The following SLC7A3 variants were observed in gnomAD, a reference collection of about 807,000 sequenced individuals.
SLC7A3 encodes the protein solute carrier family 7 member 3, also known as cationic amino acid transporter 3.
A neutral mutation model predicts 33.2 loss-of-function variants in SLC7A3; 3 were observed. That is an observed-to-expected ratio of 0.09 (90% CI 0.04 to 0.23). The LOEUF (loss-of-function observed/expected upper bound fraction) is 0.23, where lower values mean the gene tolerates loss of function less well. SLC7A3 is among the 10% of genes least tolerant of loss of function. SLC7A3 has a pLI of 1.00. For missense variants in SLC7A3, 360 were observed against 488.8 expected (o/e 0.74, Z 2.48); for synonymous variants, 193 against 195.1 (o/e 0.99, Z 0.09).
chrX:70,929,201 C>T (rs897421013), intron 2 of SLC7A3, among the ~76,000 whole-genome samples, 199 bp from the exon 3 acceptor site: 1 of 111,993 alleles, frequency 8.9e-6, no homozygotes, highest in Non-Finnish European at 1.9e-5. Flanking sequence ...AGAGATTCTC[C>T]TGCCTCAACC....
chrX:70,930,124 A>G, intron 1 of SLC7A3, 102 bp from the exon 2 acceptor site: 1 of 844,974 alleles, frequency 1.2e-6, no homozygotes, highest in East Asian at 3.2e-5. Context: ...AGCTATTGGG[A>G]AATGAGGACG....
At position 70,928,212 on chromosome X, in the gene SLC7A3, C is replaced by T. The variant is rs751933276; in HGVS notation, c.753G>A (p.Glu251=). Residue 251 remains glutamate, a synonymous_variant, in exon 5 of 12, where the codon GAG becomes GAA. Transcript: ENST00000374299. ...GSGGFVPFGF[E]GILRGAATCF... ...AGGTCGCTGCTCCACGGAGAATTCC[C>T]TCGAAGCCGAAAGGCACAAATCCTC... The T allele has an allele frequency of 1.7e-6, 2 of 1,211,648 alleles. No homozygotes were observed. Among genetic ancestry groups the T allele is most frequent in the East Asian group, 3.0e-5 (1 of 33,845 alleles).
Position 70,926,093 on chromosome X carries a change from C to T in SLC7A3, c.1706G>A (p.Arg569Gln), listed in dbSNP as rs762025225. The change falls in exon 11 of 12, where the codon CGA becomes CAA. Residue 569 changes from arginine (R) to glutamine (Q), a missense_variant. Coordinates refer to ENST00000374299, the MANE Select transcript of SLC7A3 (RefSeq NM_032803.6). ...MMQMTAGTWA[R>Q]FGVWMLIGFA... is the part of the protein sequence containing the mutation. Reference sequence around the variant, plus strand: ...ACCAATCAGCATCCAGACCCCAAATCGGGCCCAGGTACCAGCTGTCATCTG... The same window carrying T: ...ACCAATCAGCATCCAGACCCCAAATTGGGCCCAGGTACCAGCTGTCATCTG... 3.3e-6 allele frequency: 4 copies of T among 1,209,088 alleles called. No homozygotes were observed. In the Admixed American group the frequency reaches 6.6e-5, roughly 20 times the overall value.
rs1180314622 is a variant in SLC7A3 at position 70,929,732 on chromosome X, G to A, written c.266C>T (p.Ala89Val). The stretch of plus-strand genomic sequence containing the variant: ...TGCCGAACCAGAACGGGGAACCCGG[G>A]CACCAAACTCCGCATAGCACAGCCC... ...LAGLCYAEFGARVPRSGSAYL... is the reference protein window; with the variant it reads ...LAGLCYAEFGVRVPRSGSAYL... The change falls in exon 2 of 12, where the codon GCC (alanine) becomes GTC (valine). Residue 89 changes from alanine to valine, a missense_variant. Physicochemically the swap from Ala to Val is moderately conservative, Grantham distance 64. Coordinates refer to ENST00000374299, the MANE Select transcript of SLC7A3 (RefSeq NM_032803.6). The A allele has an allele frequency of 1.7e-6, 2 of 1,211,244 alleles. No individual in the cohort carries two copies. The highest frequency in any genetic ancestry group is 5.9e-5 in the East Asian group (2 of 33,805).
rs1160933947 is a variant in SLC7A3 at position 70,926,541 on chromosome X, G to A, written c.1606C>T (p.Pro536Ser). ...AGTTCATTTACCTTAAAGTGAAGGG[G>A]AGTGGAACTCTGTGGCTGTCTCCAG... ...VIWRQPQSST[P>S]LHFKVPALPL... is the part of the protein sequence containing the mutation. The change falls in exon 10 of 12, where the codon CCC becomes TCC. Residue 536 changes from proline (P) to serine (S), a missense_variant. Coordinates refer to ENST00000374299, the MANE Select transcript of SLC7A3 (RefSeq NM_032803.6). 4.2e-6 allele frequency: 5 copies of A among 1,196,915 alleles called. No homozygotes were observed. The highest frequency in any genetic ancestry group is 2.3e-5 in the Admixed American group (1 of 43,673).
intron 10 of SLC7A3, 146 bp downstream of exon 10, chrX:70,926,381 A>G (rs181095841): frequency 1.4e-6 from 1 of 740,394 alleles, no homozygotes; most frequent in East Asian, 3.5e-5. Context: ...AGAGGGTCAG[A>G]GAAGAAGTCT....
chrX:70,926,557 C>T lies in SLC7A3; in HGVS notation c.1590G>A (p.Gln530=). Residue 530 remains glutamine, a synonymous_variant, in exon 10 of 12, where the codon CAG becomes CAA. Transcript: ENST00000374299. ...AGTGAAGGGGAGTGGAACTCTGTGGCTGTCTCCAGATGACCACAATGATCC... is the reference window on the plus strand; with the variant it reads ...AGTGAAGGGGAGTGGAACTCTGTGGTTGTCTCCAGATGACCACAATGATCC... ...IIGIIVVIWR[Q]PQSSTPLHFK... is the part of the protein sequence containing the mutation. The T allele has an allele frequency of 3.3e-6, 4 of 1,200,237 alleles. No individual in the cohort carries two copies. The highest frequency in any genetic ancestry group is 4.5e-6 in the Non-Finnish European group (4 of 889,763).
intron 6 of SLC7A3, 40 bp from the exon 7 acceptor site, chrX:70,927,663 G>A (rs1191636343): frequency 8.4e-7 from 1 of 1,195,802 alleles, no homozygotes; most frequent in East Asian, 3.0e-5. Context: ...AGTTGACTGG[G>A]ATCTCTCTTC....
At chrX:70,928,398 A>C in intron 4 of SLC7A3, 58 bp downstream of exon 4, 41 of 979,511 alleles carry the variant, frequency 4.2e-5, no homozygotes, top group Non-Finnish European at 5.7e-5. Context: ...CCTTCAGCAG[A>C]TCCCCTTCTT....
chrX:70,930,480 G>A (rs969044958), intron 1 of SLC7A3, among the ~76,000 whole-genome samples: 3 of 111,660 alleles, frequency 2.7e-5, no homozygotes, highest in African/African-American at 9.8e-5. Flanking sequence ...CCCCCAGAGG[G>A]AGAGGGGACC....
At chrX:70,926,450 C>T in intron 10 of SLC7A3, 77 bp downstream of exon 10, 3 of 1,051,941 alleles carry the variant, frequency 2.9e-6, no homozygotes, top group Non-Finnish European at 3.8e-6. Flanking sequence ...TATCTATGAA[C>T]TTTATTAGAC....
rs1350685513 is a variant in SLC7A3, at chrX:70,929,643, G to A, written c.355C>T (p.Leu119Phe). ...WAFTTGWNLI[L>F]SYVIGTASVA... ...CATATCTCACCAATGACATAGGAGA[G>A]GATGAGGTTCCAGCCAGTGGTGAAG... The change falls in exon 2 of 12, where the codon CTC becomes TTC. Residue 119 changes from leucine (L) to phenylalanine (F), a missense_variant. By Grantham distance (22) the Leu-to-Phe change is conservative. Coordinates refer to ENST00000374299, the MANE Select transcript of SLC7A3 (RefSeq NM_032803.6). The A allele has an allele frequency of 8.3e-7, 1 of 1,207,153 alleles. No homozygotes were observed. Among genetic ancestry groups the A allele is most frequent in the African/African-American group, 1.8e-5 (1 of 57,004 alleles).
Position 70,927,996 on chromosome X carries a change from C to A in SLC7A3, c.845G>T (p.Arg282Leu). 8.3e-7 allele frequency: 1 copy of A among 1,211,268 alleles called. No individual in the cohort carries two copies. The highest frequency in any genetic ancestry group is 1.1e-6 in the Non-Finnish European group (1 of 895,372). The change falls in exon 6 of 12, where the codon CGT (arginine) becomes CTT (leucine). Residue 282 changes from arginine to leucine, a missense_variant. Coordinates refer to ENST00000374299, the MANE Select transcript of SLC7A3 (RefSeq NM_032803.6). ...TTGEEAQNPQ[R>L]SIPMGIVISL... Reference sequence around the variant, plus strand: ...GATCACAATGCCCATCGGGATGGAACGCTGGGGATTCTGGGCTTCTTCTCC... The same window carrying A: ...GATCACAATGCCCATCGGGATGGAAAGCTGGGGATTCTGGGCTTCTTCTCC...
chrX:70,930,399 C>G (rs1270384747), intron 1 of SLC7A3, among the ~76,000 whole-genome samples: 1 of 111,541 alleles, frequency 9.0e-6, no homozygotes, highest in Non-Finnish European at 1.9e-5. Context: ...TGGCCTGTGG[C>G]TATTTGGGAA....
rs201464922 is a variant in SLC7A3 at position 70,928,530 on chromosome X, C to T, written c.633G>A (p.Lys211=). ...LGFVMISGFV[K]GDVHNWKLTE... The stretch of plus-strand genomic sequence containing the variant: ...TGAGCTTCCAGTTGTGCACGTCCCC[C>T]TTAACGAAGCCAGAGATCATGACGA... The change falls in exon 4 of 12, where the codon AAG becomes AAA. Residue 211 remains lysine, a synonymous_variant. Transcript: ENST00000374299. 3.3e-6 allele frequency: 4 copies of T among 1,204,251 alleles called. No individual in the cohort carries two copies. The Admixed American group carries it at 8.9e-5, about 27-fold the overall frequency.
intron 8 of SLC7A3, 94 bp from the exon 9 acceptor site, chrX:70,927,135 G>T: frequency 9.0e-7 from 1 of 1,106,304 alleles, no homozygotes; most frequent in Non-Finnish European, 1.2e-6. Flanking sequence ...CACCATTAAG[G>T]GAAGTTCTTT....
At chrX:70,930,653 G>A (rs746625188) in intron 1 of SLC7A3, among the ~76,000 whole-genome samples, 2 of 112,293 alleles carry the variant, frequency 1.8e-5, no homozygotes, top group African/African-American at 6.5e-5. Context: ...ACAGCGAGGC[G>A]GGGCTTCGAC....
chrX:70,928,883 G>T lies in SLC7A3; in HGVS notation c.490C>A (p.Pro164Thr), dbSNP rs765980877. 1.2e-5 allele frequency: 14 copies of T among 1,211,445 alleles called. No homozygotes were observed. Among genetic ancestry groups the T allele is most frequent in the Non-Finnish European group, 1.6e-5 (14 of 895,485 alleles). ...ACGAGGCCCAAAGCAAAGAAATCTGGATATTCTGCAAGGACATGGGGCACG... is the reference window on the plus strand; with the variant it reads ...ACGAGGCCCAAAGCAAAGAAATCTGTATATTCTGCAAGGACATGGGGCACG... ...LHVPHVLAEY[P>T]DFFALGLVLL... Residue 164 changes from proline to threonine, a missense_variant, in exon 3 of 12, where the codon CCA becomes ACA. Pro to Thr is a conservative substitution (Grantham distance 38). Transcript: ENST00000374299.
At chrX:70,927,417 A>C in intron 7 of SLC7A3, 33 bp from the exon 8 acceptor site, 1 of 1,209,198 alleles carries the variant, frequency 8.3e-7, no homozygotes, top group Non-Finnish European at 1.1e-6. Flanking sequence ...AAGAAATGAG[A>C]GAAGGGAGTG....
Sources: allele counts gnomAD v4.1 joint callset (sites outside exome capture counted in the v4.1 genomes callset), GRCh38; gene constraint gnomAD v4.1.1; transcripts MANE v1.5; gene names NCBI Gene and HGNC (gene_info 2026-07-23, HGNC 2026-07-21).